The following NIM1K variants were observed in gnomAD, a reference collection of about 807,000 sequenced individuals.
The protein encoded by NIM1K is serine/threonine-protein kinase NIM1.
NIM1K carries 35 observed loss-of-function variants against 37.1 expected under a neutral mutation model. The ratio of observed to expected loss-of-function variants is 0.94; its 90% CI spans 0.72 to 1.25. The LOEUF (loss-of-function observed/expected upper bound fraction) is 1.25, where lower values mean the gene tolerates loss of function less well. NIM1K is among the 50% of genes most tolerant of loss of function. The probability of loss-of-function intolerance (pLI) is 0.00; values close to 1 mark genes in which losing one functional copy is unlikely to be tolerated. For synonymous variants in NIM1K, 234 were observed against 206.6 expected (o/e 1.13, Z -1.14); for missense variants, 564 against 548.0 (o/e 1.03, Z -0.29).
chr5:43,206,373 T>C (rs2112210056), intron 1 of NIM1K, among the ~76,000 whole-genome samples: 1 of 134,410 alleles, frequency 7.4e-6, no homozygotes, highest in East Asian at 2.0e-4. Context: ...GGTGGTGCGT[T>C]CCTGTAGTCC....
chr5:43,206,542 GA>G (rs1328346783), intron 1 of NIM1K, among the ~76,000 whole-genome samples: 1 of 143,910 alleles, frequency 6.9e-6, no homozygotes, highest in Non-Finnish European at 1.5e-5. Context: ...GAGAAAAAAA[GA>G]AAATCCAAGA....
At chr5:43,199,981 T>G (rs1055720769) in intron 1 of NIM1K, among the ~76,000 whole-genome samples, 2 of 152,118 alleles carry the variant, frequency 1.3e-5, no homozygotes, top group Admixed American at 1.3e-4. Context: ...GTTCAAGTGA[T>G]TCTCCTGCTT....
At chr5:43,273,285 C>T (rs895127599) in intron 2 of NIM1K, among the ~76,000 whole-genome samples, 5 of 151,756 alleles carry the variant, frequency 3.3e-5, no homozygotes, top group African/African-American at 9.7e-5. Flanking sequence ...CTCACTGCAA[C>T]CTCTGCCCCC....
intron 1 of NIM1K, among the ~76,000 whole-genome samples, chr5:43,227,932 TGAACCTAGAGAGTG>T (rs1350128106): frequency 6.6e-6 from 1 of 152,156 alleles, no homozygotes; most frequent in Non-Finnish European, 1.5e-5. Flanking sequence ...GTAAAGATAC[TGAACCTAGAGAGTG>T]GAAAAGACTG....
chr5:43,217,518 A>G (rs1380617830), intron 1 of NIM1K, among the ~76,000 whole-genome samples: 1 of 149,846 alleles, frequency 6.7e-6, no homozygotes, highest in Non-Finnish European at 1.5e-5. Context: ...GCAGCATATT[A>G]TGGTTCCAGT....
intron 1 of NIM1K, among the ~76,000 whole-genome samples, chr5:43,203,111 C>T (rs529899746): frequency 6.6e-6 from 1 of 152,102 alleles, no homozygotes; most frequent in Non-Finnish European, 1.5e-5. Context: ...CCCACCGCCC[C>T]GCCATAGCTC....
At chr5:43,225,137 T>C (rs548040351) in intron 1 of NIM1K, among the ~76,000 whole-genome samples, 2 of 152,102 alleles carry the variant, frequency 1.3e-5, no homozygotes, top group African/African-American at 2.4e-5. Flanking sequence ...AGGGTTATAG[T>C]GGCCAGTGTG....
chr5:43,228,297 C>T (rs1472416648), intron 1 of NIM1K, among the ~76,000 whole-genome samples: 2 of 151,912 alleles, frequency 1.3e-5, no homozygotes, highest in Non-Finnish European at 2.9e-5. Context: ...CAGGTGCCCG[C>T]CACCACACCT....
chr5:43,240,092 G>C (rs564476506), intron 1 of NIM1K, among the ~76,000 whole-genome samples: 12 of 151,270 alleles, frequency 7.9e-5, no homozygotes, highest in East Asian at 1.9e-4. Flanking sequence ...TTTCTTCTTT[G>C]AGACAGAGTC....
chr5:43,256,151 G>GTGAC (rs1752942670), intron 2 of NIM1K, among the ~76,000 whole-genome samples: 1 of 152,184 alleles, frequency 6.6e-6, no homozygotes, highest in Non-Finnish European at 1.5e-5. Context: ...GAACTGGGGA[G>GTGAC]TGACATGATC....
At chr5:43,265,128 A>G (rs1338913700) in intron 2 of NIM1K, among the ~76,000 whole-genome samples, 6 of 152,040 alleles carry the variant, frequency 3.9e-5, no homozygotes, top group Admixed American at 3.9e-4. Flanking sequence ...TATCTTTGTG[A>G]TGTTCTCTGC....
chr5:43,253,908 G>A (rs1192741071), intron 2 of NIM1K, among the ~76,000 whole-genome samples: 1 of 151,982 alleles, frequency 6.6e-6, no homozygotes, highest in African/African-American at 2.4e-5. Context: ...TGATCCGCCC[G>A]CCTCAGCCTC....
chr5:43,272,319 C>T (rs1446735599), intron 2 of NIM1K, among the ~76,000 whole-genome samples: 2 of 151,966 alleles, frequency 1.3e-5, no homozygotes, highest in South Asian at 2.1e-4. Flanking sequence ...CTTCCCTAAC[C>T]CCCAGACCAG....
chr5:43,259,850 A>T (rs1200836083), intron 2 of NIM1K, among the ~76,000 whole-genome samples: 1 of 152,096 alleles, frequency 6.6e-6, no homozygotes, highest in African/African-American at 2.4e-5. Flanking sequence ...TTAGTCACAA[A>T]TTCTTTATCT....
chr5:43,231,927 T>C, intron 1 of NIM1K: 1 of 958,286 alleles, frequency 1.0e-6, no homozygotes, highest in Non-Finnish European at 1.6e-6. Context: ...CTCTCCTTCC[T>C]CCCTTCTCTC....
At chr5:43,217,493 A>G (rs764653892) in intron 1 of NIM1K, among the ~76,000 whole-genome samples, 18 of 147,490 alleles carry the variant, frequency 1.2e-4, no homozygotes, top group Non-Finnish European at 2.7e-4. Flanking sequence ...CCTGCACCAT[A>G]TTACGTTCCA....
intron 2 of NIM1K, among the ~76,000 whole-genome samples, chr5:43,253,265 C>A (rs1752896526): frequency 2.1e-5 from 3 of 140,716 alleles, no homozygotes; most frequent in East Asian, 2.2e-4. Flanking sequence ...TAAGCACATG[C>A]CTGATAAGGA....
intron 2 of NIM1K, among the ~76,000 whole-genome samples, chr5:43,269,111 C>G (rs1753214953): frequency 6.6e-6 from 1 of 151,700 alleles, no homozygotes; most frequent in South Asian, 2.1e-4. Flanking sequence ...GAGTTCAAGA[C>G]CAGCCAGACA....
chr5:43,250,344 T>C (rs1752850889), intron 2 of NIM1K, among the ~76,000 whole-genome samples: 1 of 152,250 alleles, frequency 6.6e-6, no homozygotes, highest in Admixed American at 6.5e-5. Context: ...GCATAAATTC[T>C]TTAACTTAGC....
Sources: allele counts gnomAD v4.1 joint callset (sites outside exome capture counted in the v4.1 genomes callset), GRCh38; gene constraint gnomAD v4.1.1; transcripts MANE v1.5; gene names NCBI Gene and HGNC (gene_info 2026-07-23, HGNC 2026-07-21).